The following SURF6 variants were observed in gnomAD, a reference collection of about 807,000 sequenced individuals.
SURF6 encodes surfeit 6.
SURF6 carries 28 observed loss-of-function variants against 37.5 expected under a neutral mutation model. The observed-to-expected ratio is 0.75, with a 90% confidence interval of 0.55 to 1.02. The LOEUF (loss-of-function observed/expected upper bound fraction) is 1.02. Ranked by LOEUF, SURF6 falls within the 50% of genes least tolerant of loss-of-function variation. The pLI, the probability that SURF6 is intolerant of heterozygous loss-of-function variation, is 0.00. For synonymous variants in SURF6, 248 were observed against 210.9 expected, an observed-to-expected ratio of 1.18 and a Z score of -1.52; for missense variants, 560 against 490.5, an observed-to-expected ratio of 1.14 and a Z score of -1.34.
In SURF6 at chr9:133,332,566, G is replaced by T. The variant is rs2129919191; in HGVS notation, c.588C>A (p.Pro196=). Residue 196 remains proline, a synonymous_variant, in exon 4 of 5, where the codon CCC becomes CCA. Transcript: ENST00000372022. ...EGACTEPREP[P]GLIFNKVEVS... is the part of the protein sequence containing the mutation. ...CGCTCACCTTATTGAAGATCAGCCCGGGCGGCTCCCGCGGCTCCGTGCAGG... is the reference window on the plus strand; with the variant it reads ...CGCTCACCTTATTGAAGATCAGCCCTGGCGGCTCCCGCGGCTCCGTGCAGG... The T allele has an allele frequency of 4.4e-6, 7 of 1,608,898 alleles. No homozygotes were observed. Among genetic ancestry groups the T allele is most frequent in the Middle Eastern group, 1.6e-4 (1 of 6,082 alleles).
chr9:133,329,984 G>A lies in SURF6; in HGVS notation c.*1885C>T, dbSNP rs1050294604. On this transcript the variant is annotated 3_prime_UTR_variant, in exon 5 of 5. Coordinates refer to ENST00000372022, the MANE Select transcript of SURF6 (RefSeq NM_006753.6). ...TGGAACTTCCCTGTAAAACCGTCTA[G>A]GGGAACATTCTTAACTACTGACTCA... The A allele has an allele frequency of 6.6e-6, 1 of 152,182 alleles. No individual in the cohort carries two copies. Among genetic ancestry groups the A allele is most frequent in the African/African-American group, 2.4e-5 (1 of 41,434 alleles). The allele number at this position is 152,182 out of a possible 1,614,324, so 9.4% of individuals were successfully genotyped here. A position where few individuals can be genotyped will look rare whatever the true frequency, so the allele number is the denominator to read the frequency against.
chr9:133,335,964 G>A, intron 1 of SURF6, 75 bp downstream of exon 1: 1 of 1,191,598 alleles, frequency 8.4e-7, no homozygotes, highest in Non-Finnish European at 1.2e-6. Flanking sequence ...GTACTTTACA[G>A]ACTCGTCTAC....
chr9:133,335,795 G>T lies in SURF6; in HGVS notation c.94+244C>A, dbSNP rs185903146. Among the ~76,000 whole-genome samples, 235 of 152,176 alleles carry T rather than the reference G, an allele frequency of 1.5e-3. 1 individual carries two copies. Among genetic ancestry groups the T allele is most frequent in the Non-Finnish European group, 2.2e-3 (153 of 68,004 alleles). On this transcript the variant is annotated intron_variant, in intron 1 of 4. Coordinates refer to ENST00000372022, the MANE Select transcript of SURF6 (RefSeq NM_006753.6). ...GGAGGCTGAGGCAGGAGAATGGCGTGAACCCGGGAGACGGAGCTTGCAGTG... is the reference window on the plus strand; with the variant it reads ...GGAGGCTGAGGCAGGAGAATGGCGTTAACCCGGGAGACGGAGCTTGCAGTG...
intron 1 of SURF6, 82 bp downstream of exon 1, chr9:133,335,957 C>A: frequency 1.8e-6 from 2 of 1,108,342 alleles, no homozygotes; most frequent in South Asian, 1.4e-5. Flanking sequence ...TTTTCTAGTA[C>A]TTTACAGACT....
In SURF6 at chr9:133,330,784, A is replaced by C. The variant is rs1011933658; in HGVS notation, c.*1085T>G. The C allele has an allele frequency of 1.3e-5, 2 of 152,182 alleles. No individual in the cohort carries two copies. The highest frequency in any genetic ancestry group is 2.9e-5 in the Non-Finnish European group (2 of 68,030). The allele number at this position is 152,182 out of a possible 1,614,324, so 9.4% of individuals were successfully genotyped here. On this transcript the variant is annotated 3_prime_UTR_variant, in exon 5 of 5. Coordinates refer to ENST00000372022, the MANE Select transcript of SURF6 (RefSeq NM_006753.6). ...CGACACTGATTCCTTGAAATATCTTAAGACTTCTTTTCTGGACAAAGTAGG... is the reference window on the plus strand; with the variant it reads ...CGACACTGATTCCTTGAAATATCTTCAGACTTCTTTTCTGGACAAAGTAGG...
At position 133,332,340 on chromosome 9, in the gene SURF6, C is replaced by A; in HGVS notation, c.615G>T (p.Val205=). The part of the protein sequence containing the change: ...PPGLIFNKVE[V]SEDEPASKAQ... ...CCTTGCTGGCCGGCTCGTCTTCGCT[C>A]ACCTCCACCTGGGAGGAAGGTATGA... The change falls in exon 5 of 5, where the codon GTG becomes GTT. Residue 205 remains valine, a synonymous_variant. Coordinates refer to ENST00000372022, the MANE Select transcript of SURF6 (RefSeq NM_006753.6). 3.2e-6 allele frequency: 5 copies of A among 1,576,858 alleles called. No homozygotes were observed. Among genetic ancestry groups the A allele is most frequent in the Non-Finnish European group, 4.3e-6 (5 of 1,163,862 alleles).
intron 3 of SURF6, among the ~76,000 whole-genome samples, chr9:133,333,138 C>A (rs776291039): frequency 6.6e-6 from 1 of 152,160 alleles, no homozygotes; most frequent in Non-Finnish European, 1.5e-5. Flanking sequence ...AGGTACCCAA[C>A]GAAGCCCTCC....
Position 133,332,037 on chromosome 9 carries a change from C to T in SURF6, c.918G>A (p.Arg306=), listed in dbSNP as rs202221659. ...CCACGCCGGCCGTGCGCTTCTCCCA[C>T]CGGCGCTGCCGCTGCGCCCTGCGCT... ...KEKRRAQRQR[R]WEKRTAGVVE... is the part of the protein sequence containing the mutation. The change falls in exon 5 of 5, where the codon CGG becomes CGA. Residue 306 remains arginine (R), a synonymous_variant. Transcript: ENST00000372022. 4 of 1,602,854 alleles carry T rather than the reference C, an allele frequency of 2.5e-6. No homozygotes were observed. Among genetic ancestry groups the T allele is most frequent in the South Asian group, 1.1e-5 (1 of 91,016 alleles).
At position 133,331,443 on chromosome 9, in the gene SURF6, T is replaced by C. The variant is rs1225525783; in HGVS notation, c.*426A>G. ...TGCCACACCTCAGGGTTGTCCTCTG[T>C]TCGGGTGAGCTGCGGACTAACGTGG... is the stretch of plus-strand genomic sequence containing the variant. On this transcript the variant is annotated 3_prime_UTR_variant, in exon 5 of 5. Transcript: ENST00000372022. 5.9e-6 allele frequency: 1 copy of C among 169,022 alleles called. No individual in the cohort carries two copies. Among genetic ancestry groups the C allele is most frequent in the African/African-American group, 2.4e-5 (1 of 42,128 alleles). 10.5% of individuals were successfully genotyped at this position (169,022 alleles called of 1,614,324 possible).
rs1275031804 is a variant in SURF6 at position 133,332,271 on chromosome 9, G to C, written c.684C>G (p.Leu228=). Reference sequence around the variant, plus strand: ...GGTAGTTCCTCCCGGTCAGCGGCGTGAGGTTCCCCTTCACCCTCTGCCTCT... The same window carrying C: ...GGTAGTTCCTCCCGGTCAGCGGCGTCAGGTTCCCCTTCACCCTCTGCCTCT... The part of the protein sequence containing the change: ...KEKRQRVKGN[L]TPLTGRNYRQ... The change falls in exon 5 of 5, where the codon CTC becomes CTG. Residue 228 remains leucine, a synonymous_variant. Coordinates refer to ENST00000372022, the MANE Select transcript of SURF6 (RefSeq NM_006753.6). The C allele has an allele frequency of 5.6e-6, 9 of 1,602,670 alleles. No individual in the cohort carries two copies. The highest frequency in any genetic ancestry group is 1.7e-5 in the Admixed American group (1 of 59,968).
rs2129934430 is a variant in SURF6, at chr9:133,336,125, G to C, written c.8C>G (p.Ser3Cys). ...CAGGTAGGCGTCCTTGGCGAGTAGA[G>C]AGGCCATGGCGGAGACCCGGGCCGT... MASLLAKDAYLQS... is the reference protein window; with the variant it reads MACLLAKDAYLQS... Residue 3 changes from serine to cysteine, a missense_variant, in exon 1 of 5, where the codon TCT becomes TGT. Coordinates refer to ENST00000372022, the MANE Select transcript of SURF6 (RefSeq NM_006753.6). 2.5e-6 allele frequency: 4 copies of C among 1,611,950 alleles called. No homozygotes were observed. The highest frequency in any genetic ancestry group is 1.3e-5 in the African/African-American group (1 of 74,760).
Position 133,331,929 on chromosome 9 carries a change from G to T in SURF6, c.1026C>A (p.Leu342=). The T allele has an allele frequency of 1.3e-6, 2 of 1,580,794 alleles. No individual in the cohort carries two copies. The highest frequency in any genetic ancestry group is 1.8e-5 in the Admixed American group (1 of 56,596). The change falls in exon 5 of 5, where the codon CTC becomes CTA. Residue 342 remains leucine (L), a synonymous_variant. Transcript: ENST00000372022. ...GGATGCGGCCCTTCTTGCGGGCTCTGAGCAGGCGGCGCTCGGCGCGGGCCG... is the reference window on the plus strand; with the variant it reads ...GGATGCGGCCCTTCTTGCGGGCTCTTAGCAGGCGGCGCTCGGCGCGGGCCG... ...KKAARAERRL[L]RARKKGRILP...
At chr9:133,332,414 C>G (rs2129918359) in intron 4 of SURF6, 66 bp from the exon 5 acceptor site, 66 of 1,531,372 alleles carry the variant, frequency 4.3e-5, no homozygotes, top group Middle Eastern at 3.5e-4. Flanking sequence ...GGCCAGTACC[C>G]TAAGGGACCT....
chr9:133,335,987 C>G (rs1451248829), intron 1 of SURF6, 52 bp downstream of exon 1: 18 of 1,516,768 alleles, frequency 1.2e-5, no homozygotes, highest in Middle Eastern at 3.4e-4. Flanking sequence ...CGGCTCCGGC[C>G]GCGTCCCCCG....
At position 133,331,954 on chromosome 9, in the gene SURF6, G is replaced by A. The variant is rs2129913144; in HGVS notation, c.1001C>T (p.Ala334Val). The change falls in exon 5 of 5, where the codon GCG becomes GTG. Residue 334 changes from alanine to valine, a missense_variant. Physicochemically the swap from Ala to Val is moderately conservative, Grantham distance 64 (BLOSUM62 0). Coordinates refer to ENST00000372022, the MANE Select transcript of SURF6 (RefSeq NM_006753.6). ...RRRQNLRRKK[A>V]ARAERRLLRA... is the part of the protein sequence containing the mutation. ...GAGCAGGCGGCGCTCGGCGCGGGCC[G>A]CCTTCTTCCTGCGCAGGTTCTGCCG... 3.1e-6 allele frequency: 5 copies of A among 1,593,326 alleles called. No individual in the cohort carries two copies. In the South Asian group the frequency reaches 4.4e-5, roughly 14 times the overall value.
Position 133,331,706 on chromosome 9 carries a change from A to T in SURF6, c.*163T>A. 1 of 882,738 alleles carries T rather than the reference A, an allele frequency of 1.1e-6. No individual in the cohort carries two copies. The highest frequency in any genetic ancestry group is 1.6e-6 in the Non-Finnish European group (1 of 643,938). The allele number at this position is 882,738 out of a possible 1,614,324, so 54.7% of individuals were successfully genotyped here. ...TGAAACTCTCTCTTTCTCACATGGG[A>T]TCTGTGATCTGGGCCCTCACAACTC... On this transcript the variant is annotated 3_prime_UTR_variant, in exon 5 of 5. Transcript: ENST00000372022.
At chr9:133,332,487 A>C in intron 4 of SURF6, 61 bp downstream of exon 4, 2 of 1,572,786 alleles carry the variant, frequency 1.3e-6, no homozygotes, top group Non-Finnish European at 1.7e-6. Flanking sequence ...TGAAGCTAAC[A>C]AGGGGCAACG....
chr9:133,332,788 A>G (rs2129921486), intron 3 of SURF6, 28 bp from the exon 4 acceptor site: 2 of 1,602,730 alleles, frequency 1.2e-6, no homozygotes, highest in South Asian at 2.2e-5. Flanking sequence ...CCACTCATTA[A>G]AGTTCTCTCG....
chr9:133,334,405 T>G lies in SURF6; in HGVS notation c.291A>C (p.Ala97=), dbSNP rs1835820931. 1 of 1,608,712 alleles carries G rather than the reference T, an allele frequency of 6.2e-7. No homozygotes were observed. Among genetic ancestry groups the G allele is most frequent in the South Asian group, 1.1e-5 (1 of 90,964 alleles). Residue 97 remains alanine (A), a synonymous_variant, in exon 2 of 5, where the codon GCA becomes GCC. Coordinates refer to ENST00000372022, the MANE Select transcript of SURF6 (RefSeq NM_006753.6). The part of the protein sequence containing the change: ...KEEAAWASSS[A]GNPADGLATE... ...GAAGCCTCTCACCTGCAGGGTTCCC[T>G]GCTGAGCTGGAAGCCCAAGCTGCTT...
Sources: gnomAD v4.1 joint callset for allele counts (sites outside exome capture counted in the v4.1 genomes callset) on GRCh38, gnomAD v4.1.1 for gene constraint, MANE v1.5 for transcripts, NCBI Gene and HGNC (gene_info 2026-07-23, HGNC 2026-07-21) for gene names.